Variants in KCNB2 observed in about 807,000 individuals in gnomAD.
The protein encoded by KCNB2 is delayed rectifier potassium channel protein.
In KCNB2, 15 loss-of-function variants were observed where a neutral mutation model predicts 61.5. The observed-to-expected ratio is 0.24, with a 90% CI of 0.16 to 0.38. The LOEUF (loss-of-function observed/expected upper bound fraction) is 0.38, where lower values mean the gene tolerates loss of function less well. KCNB2 is among the 10% of genes least tolerant of loss of function. The pLI is 1.00. For synonymous variants in KCNB2, 457 were observed against 446.0 expected (o/e 1.02, Z -0.31); for missense variants, 828 against 1,125.2 (o/e 0.74, Z 3.78).
intron 2 of KCNB2, among the ~76,000 whole-genome samples, chr8:72,788,227 A>G (rs1585893678): frequency 1.3e-5 from 2 of 152,166 alleles, no homozygotes; most frequent in East Asian, 3.9e-4. Context: ...CCACAAACTG[A>G]GTGGTTTAAA....
intron 2 of KCNB2, among the ~76,000 whole-genome samples, chr8:72,895,323 G>T (rs1277174601): frequency 6.6e-6 from 1 of 152,292 alleles, no homozygotes; most frequent in Admixed American, 6.5e-5. Context: ...GAGAGAGTCA[G>T]CAGACAGCTG....
intron 2 of KCNB2, among the ~76,000 whole-genome samples, chr8:72,678,041 C>A (rs962377499): frequency 7.9e-5 from 12 of 152,182 alleles, no homozygotes; most frequent in African/African-American, 2.9e-4. Flanking sequence ...TAAACTGGTT[C>A]TTCCTCAGTT....
chr8:72,685,470 G>A (rs879456895), intron 2 of KCNB2, among the ~76,000 whole-genome samples: 3 of 152,060 alleles, frequency 2.0e-5, no homozygotes, highest in Non-Finnish European at 4.4e-5. Flanking sequence ...CTGTACTCTC[G>A]GTTTGCAGTG....
chr8:72,560,706 A>G (rs1806498087), intron 1 of KCNB2, among the ~76,000 whole-genome samples: 2 of 152,198 alleles, frequency 1.3e-5, no homozygotes, highest in Non-Finnish European at 2.9e-5. Context: ...TTCTGTGTGC[A>G]TTTTGAAGCA....
At chr8:72,913,920 G>A (rs1369126179) in intron 2 of KCNB2, among the ~76,000 whole-genome samples, 2 of 152,178 alleles carry the variant, frequency 1.3e-5, no homozygotes, top group African/African-American at 4.8e-5. Context: ...ACTTTCCTAA[G>A]TTTTGACTAG....
chr8:72,912,110 C>T (rs2129007522), intron 2 of KCNB2, among the ~76,000 whole-genome samples: 1 of 152,274 alleles, frequency 6.6e-6, no homozygotes, highest in Non-Finnish European at 1.5e-5. Context: ...AGCTCCTGGG[C>T]TTTGTCATCA....
chr8:72,686,356 A>AT (rs895896053), intron 2 of KCNB2, among the ~76,000 whole-genome samples: 24 of 150,906 alleles, frequency 1.6e-4, no homozygotes, highest in African/African-American at 2.9e-4. Flanking sequence ...TTTTTTGGAT[A>AT]TTTTTTTTTG....
intron 2 of KCNB2, among the ~76,000 whole-genome samples, chr8:72,729,361 T>C (rs1807703225): frequency 1.3e-5 from 2 of 152,208 alleles, no homozygotes; most frequent in South Asian, 4.1e-4. Context: ...TAGAGGACCC[T>C]GAAGGTTAAA....
chr8:72,819,523 G>C (rs115595532), intron 2 of KCNB2, among the ~76,000 whole-genome samples: 1 of 152,030 alleles, frequency 6.6e-6, no homozygotes, highest in African/African-American at 2.4e-5. Context: ...TATTGTCTCT[G>C]TTGCATGAGA....
intron 1 of KCNB2, among the ~76,000 whole-genome samples, chr8:72,540,823 T>G (rs1260934203): frequency 6.6e-6 from 1 of 152,148 alleles, no homozygotes; most frequent in African/African-American, 2.4e-5. Context: ...TCCTATAGGT[T>G]GAATTTTAAC....
intron 2 of KCNB2, among the ~76,000 whole-genome samples, chr8:72,603,656 T>C (rs1805397929): frequency 2.0e-5 from 3 of 152,126 alleles, no homozygotes. Context: ...ACTTATTAGC[T>C]GTACTGGGTT....
rs146530934 is a variant in KCNB2, at chr8:72,568,088, G to C, written c.354G>C (p.Ser118=). 3.3e-5 allele frequency: 53 copies of C among 1,614,094 alleles called. No individual in the cohort carries two copies. The African/African-American group carries it at 6.1e-4, about 19-fold the overall frequency. Residue 118 remains serine, a synonymous_variant, in exon 2 of 3, where the codon TCG becomes TCC. Transcript: ENST00000523207. ...LHMMEEMCAL[S]FGQELDYWGI... ...TGATGGAAGAAATGTGTGCACTTTC[G>C]TTTGGCCAAGAACTTGATTACTGGG...
chr8:72,637,919 G>A (rs999740962), intron 2 of KCNB2, among the ~76,000 whole-genome samples: 1 of 152,128 alleles, frequency 6.6e-6, no homozygotes, highest in African/African-American at 2.4e-5. Context: ...TAAGAAGTAA[G>A]TTAAAAGGGC....
intron 2 of KCNB2, among the ~76,000 whole-genome samples, chr8:72,583,673 C>G (rs1442823910): frequency 1.3e-5 from 2 of 152,054 alleles, no homozygotes; most frequent in African/African-American, 4.8e-5. Flanking sequence ...CCCCTCAGCT[C>G]CTGCATTGAA....
At chr8:72,759,439 G>A (rs1336576902) in intron 2 of KCNB2, among the ~76,000 whole-genome samples, 1 of 152,134 alleles carries the variant, frequency 6.6e-6, no homozygotes, top group Non-Finnish European at 1.5e-5. Flanking sequence ...TATGTTAATA[G>A]GTGGCCATCA....
intron 2 of KCNB2, among the ~76,000 whole-genome samples, chr8:72,714,285 A>G (rs1807382135): frequency 6.6e-6 from 1 of 152,214 alleles, no homozygotes; most frequent in Non-Finnish European, 1.5e-5. Context: ...GCAGGCCAAC[A>G]TTCAAATTCA....
intron 2 of KCNB2, among the ~76,000 whole-genome samples, chr8:72,757,420 T>G (rs16938354): frequency 0.051 from 7,734 of 152,216 alleles, 365 homozygotes; most frequent in African/African-American, 0.12. Flanking sequence ...TGCTCAGTGG[T>G]ACCTGGAGGA....
chr8:72,654,413 T>A (rs1806259119), intron 2 of KCNB2, among the ~76,000 whole-genome samples: 1 of 152,172 alleles, frequency 6.6e-6, no homozygotes, highest in African/African-American at 2.4e-5. Flanking sequence ...ATGCCATCAT[T>A]TTTGTATCCC....
At position 72,699,023 on chromosome 8, in the gene KCNB2, G is replaced by A. The variant is rs569612617; in HGVS notation, c.579+130710G>A. On this transcript the variant is annotated intron_variant, in intron 2 of 2. Transcript: ENST00000523207. ...ACAAGTGAGACCTAATTAAACTAAT[G>A]AGCTTCTGCACAGCAACAGAAACTA... is the stretch of plus-strand genomic sequence containing the variant. Among the ~76,000 whole-genome samples the A allele has an allele frequency of 2.6e-5, 4 of 152,172 alleles. No homozygotes were observed. In the South Asian group the frequency reaches 8.3e-4, roughly 32 times the overall value.
Sources: allele counts gnomAD v4.1 joint callset (sites outside exome capture counted in the v4.1 genomes callset), GRCh38; gene constraint gnomAD v4.1.1; transcripts MANE v1.5; gene names NCBI Gene and HGNC (gene_info 2026-07-23, HGNC 2026-07-21).